The following COL25A1 variants were observed in gnomAD, a reference collection of about 807,000 sequenced individuals.
COL25A1 encodes collagen type XXV alpha 1 chain.
COL25A1 carries 103 observed loss-of-function variants against 128.4 expected under a neutral mutation model. The ratio of observed to expected loss-of-function variants is 0.80; its 90% CI spans 0.68 to 0.94. The LOEUF is 0.94. Among genes scored for constraint, COL25A1 ranks in the 40% least tolerant of loss-of-function variants. The pLI is 0.00. For synonymous variants in COL25A1, 279 were observed against 277.2 expected (o/e 1.01, Z -0.06); for missense variants, 745 against 840.0 (o/e 0.89, Z 1.40).
chr4:109,135,334 G>T (rs1239912851), intron 3 of COL25A1, among the ~76,000 whole-genome samples: 2 of 152,108 alleles, frequency 1.3e-5, no homozygotes, highest in Admixed American at 6.5e-5. Context: ...TGGCTGCCTT[G>T]TGTCATTACT....
intron 3 of COL25A1, among the ~76,000 whole-genome samples, chr4:109,128,715 G>A (rs1237298115): frequency 1.3e-5 from 2 of 152,108 alleles, no homozygotes; most frequent in African/African-American, 2.4e-5. Context: ...GGGGCCCATG[G>A]TATACTGGAA....
intron 6 of COL25A1, among the ~76,000 whole-genome samples, chr4:108,980,555 G>T (rs561525398): frequency 6.6e-6 from 1 of 152,100 alleles, no homozygotes; most frequent in Admixed American, 6.5e-5. Context: ...TGGCAGCGTC[G>T]GCTGGCCTAA....
intron 3 of COL25A1, among the ~76,000 whole-genome samples, chr4:109,056,379 T>C (rs570512422): frequency 6.6e-6 from 1 of 152,322 alleles, no homozygotes; most frequent in South Asian, 2.1e-4. Context: ...TATGAATATT[T>C]ACAATATACT....
intron 3 of COL25A1, among the ~76,000 whole-genome samples, chr4:109,275,593 G>A (rs1277391604): frequency 6.6e-6 from 1 of 152,094 alleles, no homozygotes; most frequent in Non-Finnish European, 1.5e-5. Flanking sequence ...GATGGCTGAG[G>A]GCTTCTGTCT....
At chr4:109,005,481 A>T (rs1579055683) in intron 6 of COL25A1, among the ~76,000 whole-genome samples, 1 of 152,158 alleles carries the variant, frequency 6.6e-6, no homozygotes, top group Non-Finnish European at 1.5e-5. Context: ...TTGTTTGGAA[A>T]CCTAATTAGA....
chr4:109,085,243 C>G (rs564119777), intron 3 of COL25A1, among the ~76,000 whole-genome samples: 1 of 152,318 alleles, frequency 6.6e-6, no homozygotes, highest in South Asian at 2.1e-4. Context: ...AGAGGCCAGC[C>G]TGCATTTCTA....
chr4:108,842,866 T>C (rs1239499738), intron 30 of COL25A1, among the ~76,000 whole-genome samples: 3 of 152,084 alleles, frequency 2.0e-5, no homozygotes, highest in African/African-American at 7.2e-5. Context: ...AAGGTCACAC[T>C]GGGCGAGGTG....
chr4:108,841,172 A>G (rs1234344101), intron 31 of COL25A1, among the ~76,000 whole-genome samples: 1 of 152,246 alleles, frequency 6.6e-6, no homozygotes, highest in Non-Finnish European at 1.5e-5. Context: ...CCAAAAGTAT[A>G]GAATGCATGT....
intron 3 of COL25A1, among the ~76,000 whole-genome samples, chr4:109,295,156 G>C (rs541056269): frequency 1.8e-4 from 27 of 152,050 alleles, no homozygotes; most frequent in South Asian, 2.1e-4. Context: ...GAATTATTAA[G>C]GTAAGAAAGA....
chr4:109,197,418 A>G (rs1449867619), intron 3 of COL25A1, among the ~76,000 whole-genome samples: 1 of 126,812 alleles, frequency 7.9e-6, no homozygotes, highest in Non-Finnish European at 1.6e-5. Flanking sequence ...TATATATTAT[A>G]TATTATATAT....
At chr4:109,300,532 T>TTTAAAATGC (rs1475629055) in intron 3 of COL25A1, 51 bp downstream of exon 3, 1 of 1,294,550 alleles carries the variant, frequency 7.7e-7, no homozygotes, top group Non-Finnish European at 1.1e-6. Context: ...GGACCTTTGT[T>TTTAAAATGC]TTAAAATGCT....
rs1730971752 is a variant in COL25A1, at chr4:108,813,507, A to G, written c.*420T>C. On this transcript the variant is annotated 3_prime_UTR_variant, in exon 38 of 38. Transcript: ENST00000399132. ...ATGAAAGGTGAATGGGAATGTGATAATCAGCTCTAAAATCAGTCAGTATAG... is the reference window on the plus strand; with the variant it reads ...ATGAAAGGTGAATGGGAATGTGATAGTCAGCTCTAAAATCAGTCAGTATAG... 1 of 159,082 alleles carries G rather than the reference A, an allele frequency of 6.3e-6. No homozygotes were observed. The highest frequency in any genetic ancestry group is 2.4e-5 in the African/African-American group (1 of 41,598). 9.9% of individuals were successfully genotyped at this position (159,082 alleles called of 1,614,324 possible).
intron 3 of COL25A1, among the ~76,000 whole-genome samples, chr4:109,092,394 A>T (rs1327788220): frequency 6.6e-6 from 1 of 152,152 alleles, no homozygotes; most frequent in Non-Finnish European, 1.5e-5. Context: ...CTGAGGTGAG[A>T]GGATTGCTTG....
intron 24 of COL25A1, among the ~76,000 whole-genome samples, chr4:108,856,927 C>A (rs1287916246): frequency 6.6e-6 from 1 of 152,060 alleles, no homozygotes. Context: ...CCAATAACAT[C>A]CTTATTTTGC....
intron 3 of COL25A1, among the ~76,000 whole-genome samples, chr4:109,176,173 C>T (rs919687593): frequency 8.5e-5 from 13 of 152,218 alleles, no homozygotes; most frequent in East Asian, 1.9e-4. Context: ...GGGCAGATCA[C>T]GAGGTCAGGA....
intron 8 of COL25A1, 99 bp from the exon 9 acceptor site, chr4:108,941,536 T>G (rs911970651): frequency 4.9e-6 from 4 of 824,482 alleles, no homozygotes; most frequent in Non-Finnish European, 8.2e-6. Context: ...ATATCCACAT[T>G]AGACTTATAA....
Position 108,859,745 on chromosome 4 carries a change from C to A in COL25A1, c.1243-12G>T. 6.2e-7 allele frequency: 1 copy of A among 1,610,070 alleles called. No homozygotes were observed. The highest frequency in any genetic ancestry group is 8.5e-7 in the Non-Finnish European group (1 of 1,176,638). The stretch of plus-strand genomic sequence containing the variant: ...TGACCAGGTGGACCCTATGACAAAA[C>A]CAATCAAGGGAAAATCATGGGTATT... On this transcript the variant is annotated splice_polypyrimidine_tract_variant and intron_variant, in intron 23 of 37. Transcript: ENST00000399132.
intron 3 of COL25A1, among the ~76,000 whole-genome samples, chr4:109,061,971 T>C (rs747523379): frequency 4.6e-5 from 7 of 152,214 alleles, no homozygotes; most frequent in Non-Finnish European, 8.8e-5. Flanking sequence ...GAGGTTGAGT[T>C]TCTTTTCTAT....
At chr4:108,830,983 T>G (rs1733025676) in intron 32 of COL25A1, among the ~76,000 whole-genome samples, 1 of 152,264 alleles carries the variant, frequency 6.6e-6, no homozygotes, top group Admixed American at 6.5e-5. Context: ...CACATTCAGA[T>G]TACATGTTCC....
Sources: allele counts gnomAD v4.1 joint callset (sites outside exome capture counted in the v4.1 genomes callset), GRCh38; gene constraint gnomAD v4.1.1; transcripts MANE v1.5; gene names NCBI Gene and HGNC (gene_info 2026-07-23, HGNC 2026-07-21).